The following CRISPLD2 variants were observed in gnomAD, a reference collection of about 807,000 sequenced individuals.
CRISPLD2 encodes cysteine rich secretory protein LCCL domain containing 2.
A neutral mutation model predicts 71.1 loss-of-function variants in CRISPLD2; 47 were observed. That is an observed-to-expected ratio of 0.66 (90% CI 0.52 to 0.84). The LOEUF (loss-of-function observed/expected upper bound fraction) is 0.84, where lower values mean the gene tolerates loss of function less well. Ranked by LOEUF, CRISPLD2 falls within the 40% of genes least tolerant of loss-of-function variation. The pLI is 0.00. For missense variants in CRISPLD2, 830 were observed against 651.1 expected (o/e 1.27, Z -2.99); for synonymous variants, 317 against 250.1 (o/e 1.27, Z -2.52).
At chr16:84,902,030 C>A (rs1485566805) in intron 14 of CRISPLD2, among the ~76,000 whole-genome samples, 1 of 151,668 alleles carries the variant, frequency 6.6e-6, no homozygotes, top group Non-Finnish European at 1.5e-5. Flanking sequence ...AACTCCTGAT[C>A]TCAAGTGATC....
chr16:84,854,820 T>C lies in CRISPLD2; in HGVS notation c.700T>C (p.Cys234Arg), dbSNP rs772540506. The change falls in exon 6 of 15, where the codon TGT (cysteine) becomes CGT (arginine). Residue 234 changes from cysteine to arginine, a missense_variant. By Grantham distance (180) the Cys-to-Arg change is radical. Transcript: ENST00000262424. ...TGGAGGCAGCTGCAGGAACAACTTG[T>C]GTTACCGAGGTAGGAAATTTACTCC... ...SYGGSCRNNL[C>R]YREETYTPKP... is the part of the protein sequence containing the mutation. The C allele has an allele frequency of 1.9e-6, 3 of 1,613,830 alleles. No individual in the cohort carries two copies. The highest frequency in any genetic ancestry group is 2.5e-6 in the Non-Finnish European group (3 of 1,179,722).
chr16:84,875,414 C>CTTTTTTTTTTTTTTT (rs34028519), intron 11 of CRISPLD2, among the ~76,000 whole-genome samples: 9 of 87,774 alleles, frequency 1.0e-4, no homozygotes, highest in African/African-American at 4.4e-4. Context: ...TATGCATGGA[C>CTTTTTTTTTTTTTTT]TTTTTTTTTT....
intron 6 of CRISPLD2, among the ~76,000 whole-genome samples, chr16:84,855,402 C>G (rs1917210500): frequency 6.6e-6 from 1 of 152,220 alleles, no homozygotes; most frequent in Admixed American, 6.5e-5. Flanking sequence ...GGTGGAACAA[C>G]TTCAAGCCCG....
Position 84,889,222 on chromosome 16 carries a change from G to A in CRISPLD2, c.1306-8G>A. The A allele has an allele frequency of 2.5e-6, 4 of 1,614,062 alleles. No individual in the cohort carries two copies. Among genetic ancestry groups the A allele is most frequent in the Non-Finnish European group, 3.4e-6 (4 of 1,179,976 alleles). ...CATCGCTGATCACAGCCCTTCCTGTGCTTCCAGACCTCAAGCATCTGCAAG... is the reference window on the plus strand; with the variant it reads ...CATCGCTGATCACAGCCCTTCCTGTACTTCCAGACCTCAAGCATCTGCAAG... On this transcript the variant is annotated splice_polypyrimidine_tract_variant and splice_region_variant and intron_variant, in intron 13 of 14. Coordinates refer to ENST00000262424, the MANE Select transcript of CRISPLD2 (RefSeq NM_031476.4).
At position 84,873,128 on chromosome 16, in the gene CRISPLD2, T is replaced by C. The variant is rs1228620247; in HGVS notation, c.1112+6T>C. On this transcript the variant is annotated splice_donor_region_variant and intron_variant, in intron 10 of 14. Coordinates refer to ENST00000262424, the MANE Select transcript of CRISPLD2 (RefSeq NM_031476.4). ...CACGGCGTGCAGTCCCTCAGGTAAC[T>C]ACTCTGTGATCGGGGCTCTGTGAAA... 1.2e-6 allele frequency: 2 copies of C among 1,609,776 alleles called. No individual in the cohort carries two copies. The highest frequency in any genetic ancestry group is 2.7e-5 in the African/African-American group (2 of 74,722).
rs1217961484 is a variant in CRISPLD2 at position 84,850,552 on chromosome 16, A to C, written c.493-16A>C. On this transcript the variant is annotated splice_polypyrimidine_tract_variant and intron_variant, in intron 4 of 14. Transcript: ENST00000262424. The stretch of plus-strand genomic sequence containing the variant: ...CTTATCCCTCGAGCTGTGACACACA[A>C]ATGTCATCTTTTCAGATAGTTTGGG... The C allele has an allele frequency of 6.2e-7, 1 of 1,609,566 alleles. No homozygotes were observed. The highest frequency in any genetic ancestry group is 1.7e-5 in the Admixed American group (1 of 60,008).
intron 13 of CRISPLD2, among the ~76,000 whole-genome samples, chr16:84,881,331 T>G (rs186788476): frequency 4.6e-4 from 70 of 152,354 alleles, no homozygotes; most frequent in Non-Finnish European, 3.7e-4. Flanking sequence ...TGATAGCCAC[T>G]CTGGTTATAC....
In CRISPLD2 at chr16:84,885,487, C is replaced by T. The variant is rs116872971; in HGVS notation, c.1306-3743C>T. 6.5e-3 allele frequency among the ~76,000 whole-genome samples: 983 copies of T among 152,346 alleles called. 8 individuals are homozygous for T. Among genetic ancestry groups the T allele is most frequent in the Middle Eastern group, 0.014 (4 of 294 alleles). ...CGGTTTGCCTAGGGCTGAGGGGATT[C>T]CTGTGTCCTGTGCTGACATCAGCCC... On this transcript the variant is annotated intron_variant, in intron 13 of 14. Transcript: ENST00000262424.
Position 84,877,523 on chromosome 16 carries a change from T to C in CRISPLD2, c.1229+13T>C. 1 of 1,612,776 alleles carries C rather than the reference T, an allele frequency of 6.2e-7. No individual in the cohort carries two copies. Among genetic ancestry groups the C allele is most frequent in the Non-Finnish European group, 8.5e-7 (1 of 1,178,934 alleles). ...CTCACTGCCCAAGGTAAGGCGGGCC[T>C]GATCTGTCATCTTTTCTATGGAAGA... On this transcript the variant is annotated intron_variant, in intron 12 of 14. Transcript: ENST00000262424.
intron 8 of CRISPLD2, among the ~76,000 whole-genome samples, chr16:84,871,628 T>G (rs1295814286): frequency 6.6e-6 from 1 of 152,186 alleles, no homozygotes; most frequent in Non-Finnish European, 1.5e-5. Flanking sequence ...CTTTGCTCAC[T>G]GTAACCTCTG....
chr16:84,869,913 C>T (rs750828868), intron 8 of CRISPLD2, among the ~76,000 whole-genome samples: 76 of 152,176 alleles, frequency 5.0e-4, no homozygotes, highest in Middle Eastern at 3.4e-3. Flanking sequence ...CAGACAACAT[C>T]GAGGCAGTTC....
intron 3 of CRISPLD2, among the ~76,000 whole-genome samples, chr16:84,846,818 T>A (rs12919905): frequency 0.34 from 50,971 of 152,058 alleles, 9,990 homozygotes; most frequent in South Asian, 0.46. Context: ...CTGGGAGCGA[T>A]TTGTCCCCTC....
chr16:84,899,119 G>A (rs2071731526), intron 14 of CRISPLD2, among the ~76,000 whole-genome samples: 1 of 152,106 alleles, frequency 6.6e-6, no homozygotes, highest in South Asian at 2.1e-4. Flanking sequence ...TCAAACTCCT[G>A]GGTTCAAGCA....
chr16:84,893,596 A>G (rs2071681362), intron 14 of CRISPLD2, among the ~76,000 whole-genome samples: 1 of 152,230 alleles, frequency 6.6e-6, no homozygotes, highest in African/African-American at 2.4e-5. Flanking sequence ...GACACAGTGC[A>G]GAAATGACAA....
At chr16:84,887,316 T>A (rs915208587) in intron 13 of CRISPLD2, among the ~76,000 whole-genome samples, 2 of 151,836 alleles carry the variant, frequency 1.3e-5, no homozygotes, top group Non-Finnish European at 2.9e-5. Flanking sequence ...ATATGGGGAG[T>A]CTGCCCCGTT....
intron 13 of CRISPLD2, among the ~76,000 whole-genome samples, chr16:84,888,576 C>G (rs868344300): frequency 6.6e-6 from 1 of 152,238 alleles, no homozygotes; most frequent in Non-Finnish European, 1.5e-5. Context: ...AGACGCCACC[C>G]TGTGTCCAGT....
chr16:84,827,598 A>C (rs1597444415), intron 1 of CRISPLD2, among the ~76,000 whole-genome samples: 8 of 129,994 alleles, frequency 6.2e-5, no homozygotes, highest in Admixed American at 8.6e-5. Flanking sequence ...AAGGAGTCTC[A>C]CTCTGTTGCT....
At chr16:84,841,079 G>A (rs1916758119) in intron 2 of CRISPLD2, among the ~76,000 whole-genome samples, 1 of 152,206 alleles carries the variant, frequency 6.6e-6, no homozygotes, top group African/African-American at 2.4e-5. Context: ...GCCAGGCACT[G>A]TCCTGGATTC....
intron 1 of CRISPLD2, among the ~76,000 whole-genome samples, chr16:84,824,619 A>G (rs986334786): frequency 6.6e-6 from 1 of 152,170 alleles, no homozygotes; most frequent in Non-Finnish European, 1.5e-5. Flanking sequence ...AGCATCCTCT[A>G]CAACAAAGCC....
Sources: allele counts gnomAD v4.1 joint callset (sites outside exome capture counted in the v4.1 genomes callset), GRCh38; gene constraint gnomAD v4.1.1; transcripts MANE v1.5; gene names NCBI Gene and HGNC (gene_info 2026-07-23, HGNC 2026-07-21).